The following SGPP2 variants were observed in gnomAD, a reference collection of about 807,000 sequenced individuals.
SGPP2 encodes the protein sphingosine 1-phosphate phosphohydrolase 2.
In SGPP2, 30 loss-of-function variants were observed where a neutral mutation model predicts 33.9. That is an observed-to-expected ratio of 0.89 (90% CI 0.66 to 1.20). The LOEUF (loss-of-function observed/expected upper bound fraction) is 1.20, where lower values mean the gene tolerates loss of function less well. Ranked by LOEUF, SGPP2 falls within the 50% of genes most tolerant of loss-of-function variation. The pLI is 0.00. For missense variants in SGPP2, 458 were observed against 532.1 expected, an observed-to-expected ratio of 0.86 and a Z score of 1.37; for synonymous variants, 233 against 225.0, an observed-to-expected ratio of 1.04 and a Z score of -0.32.
intron 2 of SGPP2, among the ~76,000 whole-genome samples, chr2:222,481,023 A>G (rs1263371427): frequency 6.6e-6 from 1 of 152,192 alleles, no homozygotes; most frequent in Non-Finnish European, 1.5e-5. Flanking sequence ...GTTCTCACTT[A>G]TAAGTGGGAA....
At chr2:222,461,397 A>G (rs1013824933) in intron 1 of SGPP2, among the ~76,000 whole-genome samples, 2 of 152,188 alleles carry the variant, frequency 1.3e-5, no homozygotes, top group Non-Finnish European at 2.9e-5. Context: ...TTTTGGCATC[A>G]GAGACCAGTT....
At chr2:222,424,933 C>T in intron 1 of SGPP2, 112 bp downstream of exon 1, 3 of 883,374 alleles carry the variant, frequency 3.4e-6, no homozygotes, top group Non-Finnish European at 3.0e-6. Flanking sequence ...CCGTCCCCGG[C>T]AGTGACCCGG....
In SGPP2 at chr2:222,452,823, T is replaced by C. The variant is rs188605118; in HGVS notation, c.220-21745T>C. 1,344 of 1,605,516 alleles carry C rather than the reference T, an allele frequency of 8.4e-4. 10 individuals are homozygous for C. The highest frequency in any genetic ancestry group is 5.3e-3 in the Middle Eastern group (32 of 6,038). ...TGAGGCCTGAGTCACACCATTGCTATTCTGCGGCCAGTTGTTTTTCTGCCA... is the reference window on the plus strand; with the variant it reads ...TGAGGCCTGAGTCACACCATTGCTACTCTGCGGCCAGTTGTTTTTCTGCCA... On this transcript the variant is annotated intron_variant, in intron 1 of 4. Transcript: ENST00000321276.
rs182002426 is a variant in SGPP2 at position 222,443,310 on chromosome 2, C to T, written c.219+18489C>T. ...GTGATGCTGAGGTCTGGGTGTCTAA[C>T]GATCCCATCGCCCAAGGTAGTGACC... On this transcript the variant is annotated intron_variant, in intron 1 of 4. Transcript: ENST00000321276. 3.0e-4 allele frequency among the ~76,000 whole-genome samples: 46 copies of T among 152,170 alleles called. 1 individual carries two copies. The East Asian group carries it at 8.5e-3, about 28-fold the overall frequency.
At chr2:222,449,290 T>C (rs1196230129) in intron 1 of SGPP2, among the ~76,000 whole-genome samples, 1 of 152,176 alleles carries the variant, frequency 6.6e-6, no homozygotes, top group Non-Finnish European at 1.5e-5. Context: ...TTTTGACATT[T>C]TGATTGCAGG....
chr2:222,433,415 C>T (rs1574827880), intron 1 of SGPP2, among the ~76,000 whole-genome samples: 2 of 152,216 alleles, frequency 1.3e-5, no homozygotes, highest in South Asian at 4.2e-4. Context: ...GCAAGTAGGT[C>T]GTTATTTCTC....
At chr2:222,505,736 C>G (rs948809217) in intron 2 of SGPP2, among the ~76,000 whole-genome samples, 6 of 151,868 alleles carry the variant, frequency 4.0e-5, no homozygotes, top group Admixed American at 3.3e-4. Flanking sequence ...AAGTTCAAGA[C>G]CAGCCTAGGA....
intron 2 of SGPP2, among the ~76,000 whole-genome samples, chr2:222,492,176 C>T (rs1698207394): frequency 6.6e-6 from 1 of 152,212 alleles, no homozygotes; most frequent in African/African-American, 2.4e-5. Flanking sequence ...TAGCCCTCTT[C>T]TCCTAAACTC....
chr2:222,536,559 A>C (rs1182682799), intron 4 of SGPP2, among the ~76,000 whole-genome samples: 1 of 152,196 alleles, frequency 6.6e-6, no homozygotes, highest in Non-Finnish European at 1.5e-5. Flanking sequence ...AGGCACCTGT[A>C]GTCCCAGCTA....
intron 2 of SGPP2, among the ~76,000 whole-genome samples, chr2:222,505,042 C>T (rs1698424215): frequency 6.6e-6 from 1 of 152,202 alleles, no homozygotes; most frequent in Admixed American, 6.5e-5. Flanking sequence ...TAGCAAGTAA[C>T]ATGAGTTTTG....
At chr2:222,456,499 C>T (rs1028969817) in intron 1 of SGPP2, among the ~76,000 whole-genome samples, 6 of 152,212 alleles carry the variant, frequency 3.9e-5, no homozygotes, top group Non-Finnish European at 8.8e-5. Flanking sequence ...AATTCATAGT[C>T]TTATCTGAGA....
At position 222,506,008 on chromosome 2, in the gene SGPP2, C is replaced by T. The variant is rs192022608; in HGVS notation, c.379-15759C>T. On this transcript the variant is annotated intron_variant, in intron 2 of 4. Coordinates refer to ENST00000321276, the MANE Select transcript of SGPP2 (RefSeq NM_152386.4). The stretch of plus-strand genomic sequence containing the variant: ...CATGAACACATCAAACTATATATGA[C>T]GCCAGTCACAGTTTAGGGAAATTAA... Among the ~76,000 whole-genome samples, 24 of 149,950 alleles carry T rather than the reference C, an allele frequency of 1.6e-4. No homozygotes were observed. In the Middle Eastern group the frequency reaches 0.011, roughly 67 times the overall value.
intron 4 of SGPP2, among the ~76,000 whole-genome samples, chr2:222,541,452 CAT>C (rs985916498): frequency 4.6e-5 from 7 of 152,170 alleles, no homozygotes; most frequent in African/African-American, 1.7e-4. Flanking sequence ...TTGAAAATTT[CAT>C]AGAGGCCTGG....
intron 4 of SGPP2, among the ~76,000 whole-genome samples, chr2:222,537,714 A>G (rs1206798957): frequency 2.0e-5 from 3 of 152,246 alleles, no homozygotes; most frequent in Non-Finnish European, 2.9e-5. Flanking sequence ...CCTAAAGAAT[A>G]ATGGAACAAA....
Position 222,512,253 on chromosome 2 carries a change from C to T in SGPP2, c.379-9514C>T, listed in dbSNP as rs567352818. ...GTCTCAATCTCCTGACCTCGTGATC[C>T]GCCTGCCTCGGCCTCCCAAAGTACT... On this transcript the variant is annotated intron_variant, in intron 2 of 4. Coordinates refer to ENST00000321276, the MANE Select transcript of SGPP2 (RefSeq NM_152386.4). Among the ~76,000 whole-genome samples, 12 of 152,158 alleles carry T rather than the reference C, an allele frequency of 7.9e-5. No individual in the cohort carries two copies. The East Asian group carries it at 1.9e-3, about 25-fold the overall frequency.
chr2:222,550,054 T>C lies in SGPP2; in HGVS notation c.649-8293T>C, dbSNP rs1355732991. 6.6e-6 allele frequency among the ~76,000 whole-genome samples: 1 copy of C among 152,014 alleles called. No individual in the cohort carries two copies. Among genetic ancestry groups the C allele is most frequent in the Non-Finnish European group, 1.5e-5 (1 of 67,990 alleles). ...ACCACGTCTGGTTAATTTTTTTGTA[T>C]TTTTTGGTAGAGACAGGGTTTCACC... is the stretch of plus-strand genomic sequence containing the variant. On this transcript the variant is annotated intron_variant, in intron 4 of 4. Coordinates refer to ENST00000321276, the MANE Select transcript of SGPP2 (RefSeq NM_152386.4). The surrounding 1 kb of genome is among the most constrained non-coding windows in gnomAD (Gnocchi z 4.5).
chr2:222,557,248 G>A (rs1689427663), intron 4 of SGPP2, among the ~76,000 whole-genome samples: 2 of 152,162 alleles, frequency 1.3e-5, no homozygotes, highest in African/African-American at 4.8e-5. Flanking sequence ...GGACAGGTGG[G>A]GATGGTGTAT....
intron 1 of SGPP2, among the ~76,000 whole-genome samples, chr2:222,456,607 A>G (rs1697578010): frequency 6.6e-6 from 1 of 152,210 alleles, no homozygotes; most frequent in African/African-American, 2.4e-5. Flanking sequence ...TACAAAGAAA[A>G]AGCTGGAGAG....
chr2:222,559,432 G>T lies in SGPP2; in HGVS notation c.*534G>T. On this transcript the variant is annotated 3_prime_UTR_variant, in exon 5 of 5. Coordinates refer to ENST00000321276, the MANE Select transcript of SGPP2 (RefSeq NM_152386.4). ...ATATGAAACGGCATTCCTTGGACAG[G>T]GTGACTTCCTTATCGTTTATTTGGT... 1 of 155,902 alleles carries T rather than the reference G, an allele frequency of 6.4e-6. No homozygotes were observed. The highest frequency in any genetic ancestry group is 1.4e-5 in the Non-Finnish European group (1 of 70,222). The allele number at this position is 155,902 out of a possible 1,614,324, so 9.7% of individuals were successfully genotyped here.
Sources: allele counts gnomAD v4.1 joint callset (sites outside exome capture counted in the v4.1 genomes callset), GRCh38; gene constraint gnomAD v4.1.1; non-coding constraint Gnocchi (gnomAD v3.1); transcripts MANE v1.5; gene names NCBI Gene and HGNC (gene_info 2026-07-23, HGNC 2026-07-21).